SPTLC2: variants seen among roughly 807,000 people sequenced by gnomAD.
SPTLC2 encodes the protein serine palmitoyltransferase long chain base subunit 2.
A neutral mutation model predicts 62.0 loss-of-function variants in SPTLC2; 21 were observed. The observed-to-expected ratio is 0.34, with a 90% CI of 0.24 to 0.49. SPTLC2 has a LOEUF of 0.49. Ranked by LOEUF, SPTLC2 falls within the 20% of genes least tolerant of loss-of-function variation. The pLI is 0.99. For missense variants in SPTLC2, 511 were observed against 713.0 expected (o/e 0.72, Z 3.23); for synonymous variants, 261 against 261.8 (o/e 1.00, Z 0.03).
rs529761176 is a variant in SPTLC2, at chr14:77,563,786, T to TTCA, written c.757-1298_757-1297insTGA. 7.2e-5 allele frequency among the ~76,000 whole-genome samples: 11 copies of TTCA among 152,354 alleles called. No individual in the cohort carries two copies. The East Asian group carries it at 2.1e-3, about 29-fold the overall frequency. On this transcript the variant is annotated intron_variant, in intron 5 of 11. Transcript: ENST00000216484. ...AAATCCACGTGTAAGTGGACCTGCA[T>TTCA]GGTTCAAACCATGTTGTTCAAGGGT... is the stretch of plus-strand genomic sequence containing the variant.
chr14:77,552,699 G>A (rs979871460), intron 8 of SPTLC2, among the ~76,000 whole-genome samples: 3 of 151,618 alleles, frequency 2.0e-5, no homozygotes, highest in Non-Finnish European at 4.4e-5. Context: ...CCAGCTACTT[G>A]GGAGGCTGAG....
Position 77,508,129 on chromosome 14 carries a change from A to G in SPTLC2, c.*4155T>C, listed in dbSNP as rs2079314939. On this transcript the variant is annotated 3_prime_UTR_variant, in exon 12 of 12. Transcript: ENST00000216484. ...CTGCAGCCTTGACCTCCCAGGCTCAAGTGATTCTCCCACACAGGTGGGACT... is the reference window on the plus strand; with the variant it reads ...CTGCAGCCTTGACCTCCCAGGCTCAGGTGATTCTCCCACACAGGTGGGACT... 1 of 152,240 alleles carries G rather than the reference A, an allele frequency of 6.6e-6. No homozygotes were observed. Among genetic ancestry groups the G allele is most frequent in the Non-Finnish European group, 1.5e-5 (1 of 68,102 alleles). 9.4% of individuals were successfully genotyped at this position (152,240 alleles called of 1,614,324 possible). A position where few individuals can be genotyped will look rare whatever the true frequency, so the allele number is the denominator to read the frequency against.
rs77970698 is a variant in SPTLC2, at chr14:77,584,443, T to C, written c.328-5334A>G. Among the ~76,000 whole-genome samples the C allele has an allele frequency of 9.6e-3, 1,460 of 152,276 alleles. 21 individuals are homozygous for C. The highest frequency in any genetic ancestry group is 0.033 in the African/African-American group (1,390 of 41,558). The stretch of plus-strand genomic sequence containing the variant: ...ACATACCAGGCACTTGCCAAGTGCT[T>C]TACATGCACACATATTTATATACTT... On this transcript the variant is annotated intron_variant, in intron 2 of 11. Transcript: ENST00000216484.
chr14:77,512,268 G>A lies in SPTLC2; in HGVS notation c.*16C>T, dbSNP rs1210257696. ...CTGGGTGAGGGAGAGTTCCTCTGAG[G>A]GAGCACCAAAAAGGCTCAGTCTTCT... On this transcript the variant is annotated 3_prime_UTR_variant, in exon 12 of 12. Coordinates refer to ENST00000216484, the MANE Select transcript of SPTLC2 (RefSeq NM_004863.4). 3 of 1,613,320 alleles carry A rather than the reference G, an allele frequency of 1.9e-6. No individual in the cohort carries two copies. The highest frequency in any genetic ancestry group is 1.3e-5 in the African/African-American group (1 of 74,906).
intron 4 of SPTLC2, among the ~76,000 whole-genome samples, chr14:77,573,977 A>G (rs1225833957): frequency 1.3e-5 from 2 of 152,178 alleles, no homozygotes; most frequent in Admixed American, 1.3e-4. Context: ...CGTGTGGTGG[A>G]GTGATGTGCT....
intron 3 of SPTLC2, among the ~76,000 whole-genome samples, chr14:77,578,246 T>C (rs2079728056): frequency 6.6e-6 from 1 of 152,048 alleles, no homozygotes. Context: ...CTACATATCA[T>C]CCTTAAATCA....
At position 77,616,569 on chromosome 14, in the gene SPTLC2, T is replaced by A; in HGVS notation, c.11A>T (p.Glu4Val). 3 of 1,537,642 alleles carry A rather than the reference T, an allele frequency of 2.0e-6. No homozygotes were observed. The highest frequency in any genetic ancestry group is 2.6e-6 in the Non-Finnish European group (3 of 1,147,842). ...GCGGCGGCAGCAGCAGCCTCCGGGC[T>A]CCGGCCGCATCTTCCTGGCAGCACC... MRPEPGGCCCRRTV... is the reference protein window; with the variant it reads MRPVPGGCCCRRTV... The change falls in exon 1 of 12, where the codon GAG (glutamate) becomes GTG (valine). Residue 4 changes from glutamate to valine, a missense_variant. Glu to Val is a moderately radical substitution (Grantham distance 121). Coordinates refer to ENST00000216484, the MANE Select transcript of SPTLC2 (RefSeq NM_004863.4).
At chr14:77,607,461 T>G (rs2079911258) in intron 1 of SPTLC2, among the ~76,000 whole-genome samples, 1 of 152,252 alleles carries the variant, frequency 6.6e-6, no homozygotes, top group African/African-American at 2.4e-5. Flanking sequence ...CATTTTCCAT[T>G]TGCCATTCCT....
At chr14:77,567,741 A>T (rs1290727761) in intron 5 of SPTLC2, among the ~76,000 whole-genome samples, 2 of 150,764 alleles carry the variant, frequency 1.3e-5, no homozygotes, top group Admixed American at 6.6e-5. Context: ...TAATTCATTA[A>T]TTTTTGCATT....
chr14:77,607,841 T>C (rs528406044), intron 1 of SPTLC2, among the ~76,000 whole-genome samples: 3 of 152,324 alleles, frequency 2.0e-5, no homozygotes, highest in African/African-American at 7.2e-5. Flanking sequence ...GTCAAGCTTA[T>C]ACAGGAGGCA....
chr14:77,561,968 C>T (rs778801865), intron 6 of SPTLC2, among the ~76,000 whole-genome samples: 2 of 152,226 alleles, frequency 1.3e-5, no homozygotes, highest in African/African-American at 4.8e-5. Context: ...CAGGGCCACC[C>T]TCCTCTGTGC....
chr14:77,590,189 T>C (rs1231959893), intron 2 of SPTLC2, among the ~76,000 whole-genome samples: 1 of 152,038 alleles, frequency 6.6e-6, no homozygotes. Flanking sequence ...ATTGCTCAGG[T>C]TGGTCTCAAA....
At chr14:77,600,701 A>C (rs2079872575) in intron 1 of SPTLC2, among the ~76,000 whole-genome samples, 1 of 152,236 alleles carries the variant, frequency 6.6e-6, no homozygotes, top group Non-Finnish European at 1.5e-5. Context: ...TAGCATTATT[A>C]ATCAAGGAAA....
intron 1 of SPTLC2, among the ~76,000 whole-genome samples, chr14:77,609,710 G>A (rs910713729): frequency 1.3e-4 from 19 of 151,842 alleles, no homozygotes; most frequent in Admixed American, 2.6e-4. Context: ...CCTGGGCAAC[G>A]GAGTGAGACT....
intron 9 of SPTLC2, among the ~76,000 whole-genome samples, chr14:77,543,061 T>C (rs1462065522): frequency 1.3e-5 from 2 of 152,230 alleles, no homozygotes; most frequent in African/African-American, 2.4e-5. Context: ...TTTGTTTGTT[T>C]GTTTTTGAGA....
intron 2 of SPTLC2, among the ~76,000 whole-genome samples, chr14:77,595,643 G>A (rs1259066585): frequency 2.0e-5 from 3 of 152,084 alleles, no homozygotes; most frequent in African/African-American, 7.2e-5. Context: ...CTACTGACTG[G>A]TTTTGTCTTC....
At position 77,531,370 on chromosome 14, in the gene SPTLC2, C is replaced by T. The variant is rs2079437466; in HGVS notation, c.1304-9789G>A. Among the ~76,000 whole-genome samples the T allele has an allele frequency of 2.6e-5, 4 of 151,918 alleles. No homozygotes were observed. In the South Asian group the frequency reaches 8.3e-4, roughly 31 times the overall value. On this transcript the variant is annotated intron_variant, in intron 9 of 11. Coordinates refer to ENST00000216484, the MANE Select transcript of SPTLC2 (RefSeq NM_004863.4). ...GGAAGATGGTACTCTTCCTGGTTGA[C>T]TGTTCTCTACCATAAGCCCTGAAAG...
chr14:77,569,730 C>T (rs1301099148), intron 5 of SPTLC2, among the ~76,000 whole-genome samples: 2 of 144,298 alleles, frequency 1.4e-5, no homozygotes, highest in Non-Finnish European at 3.0e-5. Flanking sequence ...AGATTGTGCC[C>T]TCTCACACAC....
At chr14:77,581,102 A>C (rs1057248576) in intron 2 of SPTLC2, among the ~76,000 whole-genome samples, 2 of 152,226 alleles carry the variant, frequency 1.3e-5, no homozygotes, top group Non-Finnish European at 2.9e-5. Flanking sequence ...CAAGAAAACG[A>C]AACTACAGTT....
Sources: allele counts gnomAD v4.1 joint callset (sites outside exome capture counted in the v4.1 genomes callset), GRCh38; gene constraint gnomAD v4.1.1; transcripts MANE v1.5; gene names NCBI Gene and HGNC (gene_info 2026-07-23, HGNC 2026-07-21).